The following SOX5 variants were observed in gnomAD, a reference collection of about 807,000 sequenced individuals.
SOX5 encodes SRY-box transcription factor 5, also known as transcription factor SOX-5.
SOX5 carries 9 observed loss-of-function variants against 92.0 expected under a neutral mutation model. The ratio of observed to expected loss-of-function variants is 0.10; its 90% CI spans 0.06 to 0.17. SOX5 has a LOEUF of 0.17. SOX5 is among the 10% of genes least tolerant of loss of function. The pLI is 1.00. For missense variants in SOX5, 642 were observed against 944.5 expected (o/e 0.68, Z 4.20); for synonymous variants, 344 against 336.3 (o/e 1.02, Z -0.25).
At chr12:24,121,514 A>G (rs891748526) in intron 4 of SOX5, among the ~76,000 whole-genome samples, 2 of 152,008 alleles carry the variant, frequency 1.3e-5, no homozygotes, top group African/African-American at 4.8e-5. Context: ...GATGCTTTAC[A>G]GAAGTTTATG....
At chr12:24,469,308 ACCT>A (rs1249294941) in intron 1 of SOX5, among the ~76,000 whole-genome samples, 5 of 152,064 alleles carry the variant, frequency 3.3e-5, no homozygotes, top group African/African-American at 9.7e-5. Context: ...CCCACCACTC[ACCT>A]CCTGCTGCGT....
chr12:23,717,820 A>G (rs2092595078), intron 6 of SOX5, among the ~76,000 whole-genome samples: 2 of 152,200 alleles, frequency 1.3e-5, no homozygotes, highest in South Asian at 4.1e-4. Flanking sequence ...TTAAGTTAAC[A>G]CTGTACTGCA....
intron 3 of SOX5, among the ~76,000 whole-genome samples, chr12:23,832,317 C>G (rs2096340468): frequency 6.6e-6 from 1 of 151,918 alleles, no homozygotes; most frequent in African/African-American, 2.4e-5. Flanking sequence ...TATAAATAAA[C>G]TTCAAAGTAA....
rs370620701 is a variant in SOX5, at chr12:24,259,870, A to C, written c.-77+17346T>G. 1.1e-4 allele frequency among the ~76,000 whole-genome samples: 16 copies of C among 152,282 alleles called. No individual in the cohort carries two copies. In the South Asian group the frequency reaches 1.7e-3, roughly 16 times the overall value. On this transcript the variant is annotated intron_variant, in intron 3 of 4. Coordinates refer to the SOX5 transcript ENST00000446891. ...AGATTCCATAATTCAAAAAAATAAC[A>C]TTTTAGTAAGGGAGAGGAACTTTAT...
At chr12:24,187,821 T>C (rs1371367717) in intron 4 of SOX5, among the ~76,000 whole-genome samples, 1 of 152,158 alleles carries the variant, frequency 6.6e-6, no homozygotes, top group African/African-American at 2.4e-5. Flanking sequence ...TTCAATCTCA[T>C]AGAATATGGG....
intron 3 of SOX5, among the ~76,000 whole-genome samples, chr12:24,269,620 T>C (rs1040753976): frequency 2.1e-5 from 3 of 146,164 alleles, no homozygotes; most frequent in Non-Finnish European, 4.4e-5. Context: ...TCTCAAAACA[T>C]TTTTATTCCA....
intron 4 of SOX5, among the ~76,000 whole-genome samples, chr12:24,062,705 G>T (rs1383449170): frequency 6.6e-6 from 1 of 152,190 alleles, no homozygotes; most frequent in Non-Finnish European, 1.5e-5. Context: ...TAAGTTATAA[G>T]AAAATAAGTG....
At chr12:23,599,375 T>C (rs1953047334) in intron 9 of SOX5, among the ~76,000 whole-genome samples, 1 of 152,202 alleles carries the variant, frequency 6.6e-6, no homozygotes, top group Admixed American at 6.5e-5. Context: ...GCTGAGCAAA[T>C]GGGAACATCA....
rs936573877 is a variant in SOX5, at chr12:23,979,899, G to A, written c.-1-83875C>T. Among the ~76,000 whole-genome samples the A allele has an allele frequency of 5.5e-3, 767 of 139,382 alleles. 21 individuals are homozygous for A. The highest frequency in any genetic ancestry group is 0.03 in the East Asian group (129 of 4,318). 91.4% of individuals were successfully genotyped at this position (139,382 alleles called of 152,430 possible). Reference sequence around the variant, plus strand: ...TGCCTGGCTGGCTGGCTGGCTGGCTGGCTGGCTGGCTGGCCAGACAGACAG... The same window carrying A: ...TGCCTGGCTGGCTGGCTGGCTGGCTAGCTGGCTGGCTGGCCAGACAGACAG... On this transcript the variant is annotated intron_variant, in intron 4 of 4. Coordinates refer to the SOX5 transcript ENST00000446891.
chr12:23,734,889 T>C, intron 5 of SOX5, 137 bp from the exon 6 acceptor site: 1 of 614,876 alleles, frequency 1.6e-6, no homozygotes. Context: ...TCCTAAATTA[T>C]CAGCAATTCA....
At chr12:23,892,882 C>T (rs910250464) in intron 2 of SOX5, among the ~76,000 whole-genome samples, 5 of 152,082 alleles carry the variant, frequency 3.3e-5, no homozygotes, top group Admixed American at 6.6e-5. Context: ...ATTCTCAATT[C>T]GTTTTTAGGA....
chr12:23,612,885 C>T (rs1342524435), intron 8 of SOX5, among the ~76,000 whole-genome samples: 1 of 152,086 alleles, frequency 6.6e-6, no homozygotes, highest in Non-Finnish European at 1.5e-5. Flanking sequence ...TTTCAGCTTC[C>T]TAATGTAACT....
intron 9 of SOX5, chr12:23,582,376 T>C (rs953640936): frequency 2.2e-5 from 14 of 640,068 alleles, no homozygotes; most frequent in Non-Finnish European, 2.7e-5. Flanking sequence ...AGAAAAGGTT[T>C]ATATTTACGT....
At chr12:23,824,278 TG>T (rs2096184933) in intron 3 of SOX5, among the ~76,000 whole-genome samples, 1 of 152,218 alleles carries the variant, frequency 6.6e-6, no homozygotes, top group Admixed American at 6.5e-5. Context: ...TCTTTGATGT[TG>T]GTGATCTTCA....
At chr12:24,245,428 A>G (rs189644800) in intron 3 of SOX5, among the ~76,000 whole-genome samples, 41 of 152,350 alleles carry the variant, frequency 2.7e-4, no homozygotes, top group African/African-American at 9.9e-4. Flanking sequence ...AAGGCAACAC[A>G]CTTTAAAAAA....
chr12:24,535,014 C>T (rs1951512855), intron 1 of SOX5, among the ~76,000 whole-genome samples: 1 of 152,186 alleles, frequency 6.6e-6, no homozygotes, highest in Non-Finnish European at 1.5e-5. Context: ...GAGGTTTTCC[C>T]ATCCCTTTAC....
chr12:23,685,821 T>C (rs529471941), intron 6 of SOX5, among the ~76,000 whole-genome samples: 5 of 152,264 alleles, frequency 3.3e-5, no homozygotes, highest in Admixed American at 6.6e-5. Context: ...TGTGACTTCA[T>C]TGTAATTATT....
chr12:24,393,468 G>A lies in SOX5; in HGVS notation c.-250-24829C>T, dbSNP rs537520955. On this transcript the variant is annotated intron_variant, in intron 1 of 4. Transcript: ENST00000446891. The surrounding 1 kb of genome is among the most constrained non-coding windows in gnomAD (Gnocchi z 5.0). ...GGCTTGGAGGATAATCAGCTTTAGGGTCATCTGTACTGAGTCTACCACCCA... is the reference window on the plus strand; with the variant it reads ...GGCTTGGAGGATAATCAGCTTTAGGATCATCTGTACTGAGTCTACCACCCA... Among the ~76,000 whole-genome samples, 7 of 152,250 alleles carry A rather than the reference G, an allele frequency of 4.6e-5. No homozygotes were observed. The South Asian group carries it at 1.2e-3, about 27-fold the overall frequency.
intron 3 of SOX5, among the ~76,000 whole-genome samples, chr12:23,812,437 A>T (rs553569636): frequency 6.6e-6 from 1 of 152,110 alleles, no homozygotes; most frequent in Non-Finnish European, 1.5e-5. Flanking sequence ...TAATATCTTA[A>T]AGTAATTTCC....
Sources: gnomAD v4.1 joint callset for allele counts (sites outside exome capture counted in the v4.1 genomes callset) on GRCh38, gnomAD v4.1.1 for gene constraint, Gnocchi (gnomAD v3.1) non-coding constraint, MANE v1.5 for transcripts, NCBI Gene and HGNC (gene_info 2026-07-23, HGNC 2026-07-21) for gene names.